The following NAALADL2 variants were observed in gnomAD, a reference collection of about 807,000 sequenced individuals.
The protein encoded by NAALADL2 is inactive N-acetylated-alpha-linked acidic dipeptidase-like protein 2.
Under a neutral mutation model 87.2 loss-of-function variants are expected in NAALADL2, and 76 were observed. That is an observed-to-expected ratio of 0.87 (90% CI 0.72 to 1.05). The LOEUF (loss-of-function observed/expected upper bound fraction) is 1.05. NAALADL2 is among the 50% of genes least tolerant of loss of function. The pLI, the probability that NAALADL2 is intolerant of heterozygous loss-of-function variation, is 0.00. For missense variants in NAALADL2, 1,089 were observed against 945.8 expected, an observed-to-expected ratio of 1.15 and a Z score of -1.99; for synonymous variants, 354 against 331.0, an observed-to-expected ratio of 1.07 and a Z score of -0.75.
intron 4 of NAALADL2, among the ~76,000 whole-genome samples, chr3:175,275,924 C>G (rs537008859): frequency 5.3e-5 from 8 of 150,926 alleles, no homozygotes; most frequent in Non-Finnish European, 1.2e-4. Flanking sequence ...AATTCATGAC[C>G]GTAACCTTAT....
intron 2 of NAALADL2, among the ~76,000 whole-genome samples, chr3:175,201,337 A>G (rs1009950346): frequency 3.9e-5 from 6 of 152,168 alleles, no homozygotes; most frequent in Non-Finnish European, 5.9e-5. Context: ...ACTTTTAGTT[A>G]TATAAGCCTT....
At chr3:174,937,770 G>A (rs1032663895) in intron 1 of NAALADL2, among the ~76,000 whole-genome samples, 12 of 151,888 alleles carry the variant, frequency 7.9e-5, no homozygotes, top group African/African-American at 2.9e-4. Flanking sequence ...AGCTAACCTA[G>A]TATTATAGGC....
At chr3:174,809,391 G>A (rs895837785) in intron 3 of NAALADL2, among the ~76,000 whole-genome samples, 2 of 152,162 alleles carry the variant, frequency 1.3e-5, no homozygotes, top group Non-Finnish European at 2.9e-5. Flanking sequence ...TATGGCCTAA[G>A]ATAATATAGG....
intron 2 of NAALADL2, among the ~76,000 whole-genome samples, chr3:175,123,732 C>T (rs1433782252): frequency 6.6e-6 from 1 of 151,858 alleles, no homozygotes; most frequent in Admixed American, 6.6e-5. Context: ...CGTATTTCCT[C>T]CACTGTGAAA....
Position 174,948,339 on chromosome 3 carries a change from G to C in NAALADL2, c.43+88889G>C, listed in dbSNP as rs147122808. Among the ~76,000 whole-genome samples, 71 of 152,160 alleles carry C rather than the reference G, an allele frequency of 4.7e-4. No homozygotes were observed. In the East Asian group the frequency reaches 7.9e-3, roughly 17 times the overall value. On this transcript the variant is annotated intron_variant, in intron 1 of 13. Coordinates refer to ENST00000454872, the MANE Select transcript of NAALADL2 (RefSeq NM_207015.3). ...CTATAGGCGTGTGCCACCAAACCCG[G>C]CTAATTTTTGTAATTTTAGTAGAGA... is the stretch of plus-strand genomic sequence containing the variant.
At chr3:175,289,183 A>G (rs1755343413) in intron 4 of NAALADL2, among the ~76,000 whole-genome samples, 2 of 152,174 alleles carry the variant, frequency 1.3e-5, no homozygotes, top group African/African-American at 2.4e-5. Flanking sequence ...GTAAGTATCA[A>G]TTACTATTTT....
chr3:174,859,459 CAACAGCCTATG>C lies in NAALADL2; in HGVS notation c.43+13_43+23del. 1 of 1,605,542 alleles carries C rather than the reference CAACAGCCTATG, an allele frequency of 6.2e-7. No homozygotes were observed. Among genetic ancestry groups the C allele is most frequent in the Non-Finnish European group, 8.5e-7 (1 of 1,173,746 alleles). The stretch of plus-strand genomic sequence containing the variant: ...TAACACGTCTTTGCAAGGTAAGTAC[CAACAGCCTATG>C]AACTTTTCACTTTTCACAATCAGAA... On this transcript the variant is annotated intron_variant, in intron 1 of 13. Transcript: ENST00000454872.
chr3:175,649,926 A>T (rs1426547437), intron 11 of NAALADL2, among the ~76,000 whole-genome samples: 1 of 152,068 alleles, frequency 6.6e-6, no homozygotes, highest in East Asian at 1.9e-4. Context: ...AGTTCTGTTT[A>T]TATACTATGG....
At chr3:175,042,598 T>C (rs555226019) in intron 1 of NAALADL2, among the ~76,000 whole-genome samples, 2 of 152,316 alleles carry the variant, frequency 1.3e-5, no homozygotes, top group African/African-American at 4.8e-5. Flanking sequence ...TCATCACTTC[T>C]TATCTTCTGA....
intron 1 of NAALADL2, among the ~76,000 whole-genome samples, chr3:175,022,252 A>C (rs925555381): frequency 6.6e-6 from 1 of 152,116 alleles, no homozygotes; most frequent in Non-Finnish European, 1.5e-5. Context: ...ACTGCAATGC[A>C]TGATGGACTA....
Position 175,419,228 on chromosome 3 carries a change from T to C in NAALADL2, c.1091-28001T>C, listed in dbSNP as rs372243540. Among the ~76,000 whole-genome samples, 10 of 151,944 alleles carry C rather than the reference T, an allele frequency of 6.6e-5. No homozygotes were observed. In the East Asian group the frequency reaches 1.5e-3, roughly 24 times the overall value. On this transcript the variant is annotated intron_variant, in intron 5 of 13. Transcript: ENST00000454872. Reference sequence around the variant, plus strand: ...CTTCTCAGTTGCATATGACAAGGGTTTTTGAAATTCTTGTCCTGAAGCAGG... The same window carrying C: ...CTTCTCAGTTGCATATGACAAGGGTCTTTGAAATTCTTGTCCTGAAGCAGG...
At chr3:174,821,464 C>G (rs1258711233) in intron 3 of NAALADL2, among the ~76,000 whole-genome samples, 1 of 152,088 alleles carries the variant, frequency 6.6e-6, no homozygotes, top group East Asian at 1.9e-4. Flanking sequence ...TTCAAAGAGA[C>G]TAGAGGAGTT....
chr3:175,538,300 C>T (rs1711633194), intron 9 of NAALADL2, among the ~76,000 whole-genome samples: 1 of 151,212 alleles, frequency 6.6e-6, no homozygotes, highest in African/African-American at 2.4e-5. Flanking sequence ...AATATTACAC[C>T]AATTATTTTA....
intron 6 of NAALADL2, among the ~76,000 whole-genome samples, chr3:175,461,606 A>G (rs970341195): frequency 1.3e-5 from 2 of 152,238 alleles, no homozygotes; most frequent in Admixed American, 6.5e-5. Flanking sequence ...TTTAATCACT[A>G]TATTAATGCA....
intron 5 of NAALADL2, among the ~76,000 whole-genome samples, chr3:175,443,072 A>G (rs1187796398): frequency 6.6e-6 from 1 of 152,212 alleles, no homozygotes; most frequent in African/African-American, 2.4e-5. Flanking sequence ...TTCAATAGAC[A>G]TAGGTTTGTT....
chr3:175,687,198 T>C (rs1255495267), intron 11 of NAALADL2, among the ~76,000 whole-genome samples: 2 of 152,140 alleles, frequency 1.3e-5, no homozygotes, highest in Non-Finnish European at 2.9e-5. Flanking sequence ...TATAAATAAA[T>C]CAGGTAATAA....
chr3:174,718,027 G>A (rs1731365385), intron 2 of NAALADL2, among the ~76,000 whole-genome samples: 1 of 152,150 alleles, frequency 6.6e-6, no homozygotes, highest in African/African-American at 2.4e-5. Context: ...TACTTGGGAG[G>A]CTGAAGCAGA....
intron 13 of NAALADL2, among the ~76,000 whole-genome samples, chr3:175,789,216 TTGA>T (rs1752484904): frequency 6.6e-6 from 1 of 152,196 alleles, no homozygotes; most frequent in South Asian, 2.1e-4. Context: ...TAATAAATAC[TTGA>T]TGAATGAGCT....
intron 2 of NAALADL2, among the ~76,000 whole-genome samples, chr3:174,651,047 C>G (rs1198026471): frequency 6.6e-6 from 1 of 151,774 alleles, no homozygotes; most frequent in Non-Finnish European, 1.5e-5. Context: ...AAAATGATAC[C>G]CTTCTACCTC....
Sources: allele counts gnomAD v4.1 joint callset (sites outside exome capture counted in the v4.1 genomes callset), GRCh38; gene constraint gnomAD v4.1.1; transcripts MANE v1.5; gene names NCBI Gene and HGNC (gene_info 2026-07-23, HGNC 2026-07-21).